The following SHISA9 variants were observed in gnomAD, a reference collection of about 807,000 sequenced individuals.
SHISA9 encodes the protein protein shisa-9.
A neutral mutation model predicts 38.0 loss-of-function variants in SHISA9; 13 were observed. The ratio of observed to expected loss-of-function variants is 0.34; its 90% CI spans 0.22 to 0.54. SHISA9 has a LOEUF of 0.54. SHISA9 is among the 20% of genes least tolerant of loss of function. The pLI, the probability that SHISA9 is intolerant of heterozygous loss-of-function variation, is 0.91. For missense variants in SHISA9, 538 were observed against 575.8 expected (o/e 0.93, Z 0.67); for synonymous variants, 275 against 242.0 (o/e 1.14, Z -1.27).
chr16:13,332,204 A>T, the SHISA9 span, among the ~76,000 whole-genome samples: 2 of 152,200 alleles, frequency 1.3e-5, no homozygotes, highest in East Asian at 3.9e-4. Context: ...AATCTCTGGG[A>T]TGACAAGTTG....
At chr16:13,141,953 C>A (rs116638054) in intron 2 of SHISA9, among the ~76,000 whole-genome samples, 311 of 152,268 alleles carry the variant, frequency 2.0e-3, no homozygotes, top group African/African-American at 7.3e-3. Context: ...ACATTGACAA[C>A]CCTGGAGAGA....
At chr16:13,354,755 C>T in the SHISA9 span, among the ~76,000 whole-genome samples, 109 of 152,158 alleles carry the variant, frequency 7.2e-4, no homozygotes, top group Middle Eastern at 3.4e-3. Context: ...ATTCTGACTG[C>T]GCTAACCATG....
the SHISA9 span, among the ~76,000 whole-genome samples, chr16:13,358,973 G>T: frequency 2.0e-5 from 3 of 152,282 alleles, no homozygotes; most frequent in East Asian, 5.8e-4. Context: ...GGAATTTTTG[G>T]AATACCTCCT....
the SHISA9 span, chr16:13,246,243 A>T: frequency 6.6e-6 from 1 of 152,196 alleles, no homozygotes; most frequent in African/African-American, 2.4e-5. Context: ...TACTGTTTTC[A>T]TGGAAGTGAA....
chr16:13,275,447 A>AT, the SHISA9 span, among the ~76,000 whole-genome samples: 11 of 151,924 alleles, frequency 7.2e-5, no homozygotes, highest in East Asian at 3.9e-4. Context: ...TTTTCTTTTA[A>AT]TTTTTTGTGA....
the SHISA9 span, among the ~76,000 whole-genome samples, chr16:13,263,144 TACATTTCTCATGG>T: frequency 6.6e-6 from 1 of 152,196 alleles, no homozygotes; most frequent in African/African-American, 2.4e-5. Context: ...CCAACTACAC[TACATTTCTCATGG>T]ACATTTCTCA....
At position 13,142,989 on chromosome 16, in the gene SHISA9, CTTTTATTTTA is replaced by C. The variant is rs3075119; in HGVS notation, c.692-60379_692-60370del. Among the ~76,000 whole-genome samples the C allele has an allele frequency of 3.9e-3, 557 of 141,362 alleles. 3 individuals carry two copies. The highest frequency in any genetic ancestry group is 7.0e-3 in the Middle Eastern group (2 of 286). 92.7% of individuals were successfully genotyped at this position (141,362 alleles called of 152,430 possible). A position where few individuals can be genotyped will look rare whatever the true frequency, so the allele number is the denominator to read the frequency against. ...GATGAAGAACCTCTGTAGCTGTTTC[CTTTTATTTTA>C]TTTTATTTTATTTTATTTTATTTTA... On this transcript the variant is annotated intron_variant, in intron 2 of 4. Transcript: ENST00000558583.
the SHISA9 span, among the ~76,000 whole-genome samples, chr16:13,250,056 C>T: frequency 1.3e-5 from 2 of 152,166 alleles, no homozygotes; most frequent in Non-Finnish European, 2.9e-5. Flanking sequence ...TTCTATCTTG[C>T]ATTCTCTGAC....
At chr16:13,284,804 G>A in the SHISA9 span, among the ~76,000 whole-genome samples, 4 of 152,286 alleles carry the variant, frequency 2.6e-5, no homozygotes, top group African/African-American at 4.8e-5. Context: ...TCACCATGTT[G>A]CGCATGCTGG....
chr16:13,291,850 G>A, the SHISA9 span, among the ~76,000 whole-genome samples: 4 of 152,242 alleles, frequency 2.6e-5, no homozygotes, highest in East Asian at 1.9e-4. Context: ...GCAAACTGCA[G>A]CCTTGACTCT....
At chr16:13,067,175 A>G (rs2073445228) in intron 2 of SHISA9, among the ~76,000 whole-genome samples, 1 of 152,184 alleles carries the variant, frequency 6.6e-6, no homozygotes, top group Admixed American at 6.5e-5. Flanking sequence ...CTTAGCTTAC[A>G]CTTATTTTCT....
the SHISA9 span, among the ~76,000 whole-genome samples, chr16:13,466,963 C>G: frequency 6.6e-6 from 1 of 152,154 alleles, no homozygotes; most frequent in Admixed American, 6.5e-5. Flanking sequence ...TTTGGTTGTA[C>G]TCAGGATAGT....
At chr16:12,907,435 T>A (rs2071117333) in intron 1 of SHISA9, among the ~76,000 whole-genome samples, 1 of 150,188 alleles carries the variant, frequency 6.7e-6, no homozygotes, top group Admixed American at 6.6e-5. Flanking sequence ...GGCTGAAACA[T>A]GTGAAAATAA....
the SHISA9 span, among the ~76,000 whole-genome samples, chr16:13,377,144 G>A: frequency 6.6e-6 from 1 of 152,170 alleles, no homozygotes; most frequent in East Asian, 1.9e-4. Context: ...AGAAATGGGT[G>A]AGCCCCAAGA....
chr16:13,333,510 T>C, the SHISA9 span, among the ~76,000 whole-genome samples: 1 of 152,182 alleles, frequency 6.6e-6, no homozygotes, highest in Non-Finnish European at 1.5e-5. Context: ...TCATGCATAT[T>C]TCATGGCATC....
chr16:12,961,983 A>T (rs536635501), intron 2 of SHISA9, among the ~76,000 whole-genome samples: 3 of 152,270 alleles, frequency 2.0e-5, no homozygotes, highest in African/African-American at 7.2e-5. Context: ...TTAAAATGGG[A>T]TCAGTGTCTG....
the SHISA9 span, among the ~76,000 whole-genome samples, chr16:13,355,108 G>A: frequency 2.4e-4 from 36 of 150,174 alleles, no homozygotes; most frequent in Non-Finnish European, 7.4e-5. Context: ...GAGAGTATAC[G>A]GGTTTGGCAC....
chr16:13,336,072 G>C, the SHISA9 span, among the ~76,000 whole-genome samples: 2 of 152,138 alleles, frequency 1.3e-5, no homozygotes, highest in South Asian at 2.1e-4. Flanking sequence ...GGGGTCCAGC[G>C]TGGTGCCTCC....
chr16:13,075,722 A>G (rs928850571), intron 2 of SHISA9, among the ~76,000 whole-genome samples: 1 of 152,190 alleles, frequency 6.6e-6, no homozygotes, highest in African/African-American at 2.4e-5. Context: ...GGTACTATTG[A>G]TTCACATTTT....
Sources: allele counts gnomAD v4.1 joint callset (sites outside exome capture counted in the v4.1 genomes callset), GRCh38; gene constraint gnomAD v4.1.1; transcripts MANE v1.5; gene names NCBI Gene and HGNC (gene_info 2026-07-23, HGNC 2026-07-21).